The following CBFA2T3 variants were observed in gnomAD, a reference collection of about 807,000 sequenced individuals.
CBFA2T3 encodes the protein CBFA2/RUNX1 partner transcriptional co-repressor 3.
Under a neutral mutation model 58.6 loss-of-function variants are expected in CBFA2T3, and 31 were observed. That is an observed-to-expected ratio of 0.53 (90% CI 0.40 to 0.71). CBFA2T3 has a LOEUF of 0.71. Ranked by LOEUF, CBFA2T3 falls within the 30% of genes least tolerant of loss-of-function variation. CBFA2T3 has a pLI of 0.00. For missense variants in CBFA2T3, 1,076 were observed against 963.1 expected (o/e 1.12, Z -1.55); for synonymous variants, 531 against 421.9 (o/e 1.26, Z -3.17).
chr16:88,965,306 T>A (rs139384601), intron 1 of CBFA2T3, among the ~76,000 whole-genome samples: 199 of 152,366 alleles, frequency 1.3e-3, no homozygotes, highest in African/African-American at 4.4e-3. Context: ...ATAAATCAAG[T>A]GAGCTAAATG....
intron 1 of CBFA2T3, among the ~76,000 whole-genome samples, chr16:88,955,109 A>G (rs376784501): frequency 0.1 from 273 of 2,714 alleles, no homozygotes; most frequent in Admixed American, 0.26. Flanking sequence ...CTCAGCCAAG[A>G]CTCCTGACCC....
At chr16:88,918,929 G>GT (rs1313969201) in intron 1 of CBFA2T3, among the ~76,000 whole-genome samples, 6 of 152,256 alleles carry the variant, frequency 3.9e-5, no homozygotes, top group Non-Finnish European at 7.3e-5. Context: ...GGAATAAACA[G>GT]TAACTTCTCT....
rs570717149 is a variant in CBFA2T3, at chr16:88,927,252, G to A, written c.152-25596C>T. On this transcript the variant is annotated intron_variant, in intron 1 of 11. Coordinates refer to ENST00000268679, the MANE Select transcript of CBFA2T3 (RefSeq NM_005187.6). ...GAGATGTCAGCGTCAAGGCCAGGTC[G>A]ACGTGACAAGCCGGGTCCCGCCCTG... is the stretch of plus-strand genomic sequence containing the variant. Among the ~76,000 whole-genome samples, 40 of 152,270 alleles carry A rather than the reference G, an allele frequency of 2.6e-4. No individual in the cohort carries two copies. In the South Asian group the frequency reaches 3.9e-3, roughly 15 times the overall value.
chr16:88,952,766 A>G (rs1009726430), intron 1 of CBFA2T3, among the ~76,000 whole-genome samples: 5 of 151,950 alleles, frequency 3.3e-5, no homozygotes, highest in Admixed American at 1.3e-4. Flanking sequence ...CCATACCCCC[A>G]TGACAGCCCA....
At chr16:88,942,482 A>G (rs190063886) in intron 1 of CBFA2T3, among the ~76,000 whole-genome samples, 20 of 152,276 alleles carry the variant, frequency 1.3e-4, no homozygotes, top group African/African-American at 3.8e-4. Flanking sequence ...AACATGGCCC[A>G]TTCCAGCTTT....
chr16:88,918,094 T>C (rs923160210), intron 1 of CBFA2T3, among the ~76,000 whole-genome samples: 4 of 152,126 alleles, frequency 2.6e-5, no homozygotes, highest in Admixed American at 1.3e-4. Flanking sequence ...GTGCAGGAAG[T>C]GGCCCCCATG....
At chr16:88,976,071 G>T in intron 1 of CBFA2T3, among the ~76,000 whole-genome samples, 1 of 152,202 alleles carries the variant, frequency 6.6e-6, no homozygotes, top group East Asian at 1.9e-4. Context: ...AATAGCTGGC[G>T]TCCTGCTGGA....
intron 1 of CBFA2T3, among the ~76,000 whole-genome samples, chr16:88,908,083 T>C (rs1970398608): frequency 6.6e-6 from 1 of 152,186 alleles, no homozygotes; most frequent in Non-Finnish European, 1.5e-5. Context: ...GACTCACACC[T>C]GTCATCCCAG....
chr16:88,898,223 C>T (rs1216188075), intron 2 of CBFA2T3, 71 bp from the exon 3 acceptor site: 10 of 1,182,944 alleles, frequency 8.5e-6, no homozygotes, highest in African/African-American at 4.5e-5. Context: ...CAGGGGCGCC[C>T]GCGGCCACCT....
intron 7 of CBFA2T3, chr16:88,883,907 G>A (rs1052313802): frequency 6.6e-6 from 1 of 152,268 alleles, no homozygotes; most frequent in Non-Finnish European, 1.5e-5. Context: ...CCACGCTTCT[G>A]GGGCTGAGGT....
At chr16:88,962,460 G>T (rs1487437585) in intron 1 of CBFA2T3, among the ~76,000 whole-genome samples, 3 of 152,236 alleles carry the variant, frequency 2.0e-5, no homozygotes, top group Non-Finnish European at 2.9e-5. Flanking sequence ...TGTGGGGGAC[G>T]CTGAGGCTTC....
chr16:88,956,487 G>A (rs1453822604), intron 1 of CBFA2T3, among the ~76,000 whole-genome samples: 1 of 152,246 alleles, frequency 6.6e-6, no homozygotes, highest in East Asian at 1.9e-4. Flanking sequence ...GAGGAACGCG[G>A]AGCTTCTACT....
chr16:88,911,322 G>A (rs576311016), intron 1 of CBFA2T3, among the ~76,000 whole-genome samples: 73 of 152,380 alleles, frequency 4.8e-4, no homozygotes, highest in African/African-American at 1.6e-3. Context: ...CGCCTCCCGC[G>A]CCGCTGTGTG....
chr16:88,892,245 A>G lies in CBFA2T3; in HGVS notation c.620T>C (p.Val207Ala). ...CCCGGCTGTCCCTGCCCAACTCACCACCAGGCCCAGCACCAGTGTGCGCAC... is the reference window on the plus strand; with the variant it reads ...CCCGGCTGTCCCTGCCCAACTCACCGCCAGGCCCAGCACCAGTGTGCGCAC... ...ERVRTLVLGL[V>A]NSTLTIEEFH... The change falls in exon 4 of 12, where the codon GTG (valine) becomes GCG (alanine). Residue 207 changes from valine to alanine, a missense_variant and splice_region_variant. Coordinates refer to ENST00000268679, the MANE Select transcript of CBFA2T3 (RefSeq NM_005187.6). The G allele has an allele frequency of 6.2e-7, 1 of 1,607,804 alleles. No homozygotes were observed. Among genetic ancestry groups the G allele is most frequent in the Non-Finnish European group, 8.5e-7 (1 of 1,178,572 alleles).
At chr16:88,886,489 GGCA>G (rs1250422542) in intron 5 of CBFA2T3, 1 of 220,386 alleles carries the variant, frequency 4.5e-6, no homozygotes. Context: ...AGGACGAAGG[GGCA>G]GCAGATCATG....
intron 1 of CBFA2T3, among the ~76,000 whole-genome samples, chr16:88,915,076 G>C (rs1271293606): frequency 6.6e-6 from 1 of 151,532 alleles, no homozygotes; most frequent in Admixed American, 6.6e-5. Context: ...GGGAGTCCTG[G>C]GGGTAGCGGG....
At chr16:88,904,328 C>T (rs1970220079) in intron 1 of CBFA2T3, among the ~76,000 whole-genome samples, 1 of 152,150 alleles carries the variant, frequency 6.6e-6, no homozygotes, top group African/African-American at 2.4e-5. Flanking sequence ...TCACCGAGAC[C>T]CTCTGCGGCT....
intron 1 of CBFA2T3, among the ~76,000 whole-genome samples, chr16:88,925,804 G>A (rs894625036): frequency 6.6e-6 from 1 of 152,208 alleles, no homozygotes; most frequent in Non-Finnish European, 1.5e-5. Context: ...CCCCGGCGAC[G>A]GGCTTTTCCA....
At chr16:88,915,409 G>C (rs1458724428) in intron 1 of CBFA2T3, among the ~76,000 whole-genome samples, 12 of 48,870 alleles carry the variant, frequency 2.5e-4, no homozygotes, top group Middle Eastern at 0.011. Flanking sequence ...GGAGCGTGGA[G>C]GGGGGAGCGT....
Sources: gnomAD v4.1 joint callset for allele counts (sites outside exome capture counted in the v4.1 genomes callset) on GRCh38, gnomAD v4.1.1 for gene constraint, MANE v1.5 for transcripts, NCBI Gene and HGNC (gene_info 2026-07-23, HGNC 2026-07-21) for gene names.